The following SH3RF1 variants were observed in gnomAD, a reference collection of about 807,000 sequenced individuals.
SH3RF1 encodes the protein SH3 domain containing ring finger 1.
SH3RF1 carries 32 observed loss-of-function variants against 74.0 expected under a neutral mutation model. The observed-to-expected ratio is 0.43, with a 90% confidence interval of 0.33 to 0.58. The LOEUF (loss-of-function observed/expected upper bound fraction) is 0.58. Among genes scored for constraint, SH3RF1 ranks in the 20% least tolerant of loss-of-function variants. The probability of loss-of-function intolerance (pLI) is 0.05; values close to 1 mark genes in which losing one functional copy is unlikely to be tolerated. For missense variants in SH3RF1, 954 were observed against 1,130.9 expected (o/e 0.84, Z 2.24); for synonymous variants, 396 against 439.6 (o/e 0.90, Z 1.24).
intron 10 of SH3RF1, among the ~76,000 whole-genome samples, chr4:169,111,593 T>C (rs2126940434): frequency 6.6e-6 from 1 of 151,998 alleles, no homozygotes; most frequent in African/African-American, 2.4e-5. Flanking sequence ...CAAAACACAA[T>C]AAAACATATA....
chr4:169,130,598 GTATTTT>G (rs1733603138), intron 5 of SH3RF1, among the ~76,000 whole-genome samples: 1 of 152,054 alleles, frequency 6.6e-6, no homozygotes, highest in African/African-American at 2.4e-5. Flanking sequence ...AATTCTTCAG[GTATTTT>G]GCTATTTTCA....
chr4:169,220,816 A>C (rs1730554283), intron 2 of SH3RF1, among the ~76,000 whole-genome samples: 1 of 152,254 alleles, frequency 6.6e-6, no homozygotes, highest in Non-Finnish European at 1.5e-5. Flanking sequence ...ATCCGGAGTA[A>C]AAATCTAAAA....
At chr4:169,209,279 A>C in intron 2 of SH3RF1, among the ~76,000 whole-genome samples, 1 of 150,010 alleles carries the variant, frequency 6.7e-6, no homozygotes, top group Admixed American at 6.7e-5. Context: ...ACAGAACAAG[A>C]CCCTGTCCGA....
chr4:169,229,423 T>C (rs7686489), intron 2 of SH3RF1, among the ~76,000 whole-genome samples: 24,088 of 151,636 alleles, frequency 0.16, 2,226 homozygotes, highest in African/African-American at 0.25. Context: ...GTGTCCCAAA[T>C]TGTGTTCCTT....
chr4:169,167,584 T>G (rs1734268408), intron 2 of SH3RF1, among the ~76,000 whole-genome samples: 1 of 152,096 alleles, frequency 6.6e-6, no homozygotes, highest in Non-Finnish European at 1.5e-5. Flanking sequence ...GTTTAACTAT[T>G]TCAAAAAATG....
chr4:169,104,040 G>A (rs1001143780), intron 11 of SH3RF1, among the ~76,000 whole-genome samples: 2 of 152,142 alleles, frequency 1.3e-5, no homozygotes, highest in African/African-American at 4.8e-5. Context: ...CAGATGAACT[G>A]AACAGCAGGA....
At chr4:169,131,885 C>A (rs970311228) in intron 5 of SH3RF1, among the ~76,000 whole-genome samples, 4 of 152,208 alleles carry the variant, frequency 2.6e-5, no homozygotes, top group African/African-American at 9.6e-5. Flanking sequence ...TTCACTTTAG[C>A]CTCTGATTGG....
intron 2 of SH3RF1, among the ~76,000 whole-genome samples, chr4:169,208,664 C>T (rs555246370): frequency 2.6e-5 from 4 of 152,114 alleles, no homozygotes; most frequent in African/African-American, 9.6e-5. Flanking sequence ...TTGAATCAGG[C>T]ATCAAACATC....
intron 2 of SH3RF1, among the ~76,000 whole-genome samples, chr4:169,159,915 C>T (rs1734124497): frequency 6.6e-6 from 1 of 152,150 alleles, no homozygotes; most frequent in African/African-American, 2.4e-5. Flanking sequence ...GAGTAGAATC[C>T]ATTCATCTTC....
At chr4:169,251,162 T>C (rs560388297) in intron 2 of SH3RF1, among the ~76,000 whole-genome samples, 2 of 152,204 alleles carry the variant, frequency 1.3e-5, no homozygotes, top group Non-Finnish European at 2.9e-5. Flanking sequence ...GAGACACAAG[T>C]GGACAGAAGG....
At chr4:169,166,399 C>A (rs1398917463) in intron 2 of SH3RF1, 1 of 161,772 alleles carries the variant, frequency 6.2e-6, no homozygotes, top group African/African-American at 2.4e-5. Flanking sequence ...GGAAGCTCCA[C>A]TGTGGCCAAA....
intron 2 of SH3RF1, among the ~76,000 whole-genome samples, chr4:169,214,533 CT>C (rs768824880): frequency 1.3e-5 from 2 of 152,190 alleles, no homozygotes; most frequent in African/African-American, 2.4e-5. Flanking sequence ...AAACTGACAT[CT>C]TGACAATATT....
chr4:169,147,994 G>C (rs1260138872), intron 4 of SH3RF1, among the ~76,000 whole-genome samples: 2 of 134,020 alleles, frequency 1.5e-5, no homozygotes, highest in Non-Finnish European at 3.1e-5. Context: ...AAAATATCAT[G>C]GTTTTAATTA....
At chr4:169,161,685 G>T (rs756857213) in intron 2 of SH3RF1, among the ~76,000 whole-genome samples, 3 of 152,118 alleles carry the variant, frequency 2.0e-5, no homozygotes, top group Non-Finnish European at 4.4e-5. Flanking sequence ...AAATCTAGAA[G>T]ACACTCTTGT....
intron 2 of SH3RF1, among the ~76,000 whole-genome samples, chr4:169,179,780 ACT>A (rs1579122713): frequency 1.3e-5 from 2 of 152,212 alleles, no homozygotes; most frequent in Admixed American, 6.5e-5. Context: ...AACAAAATTT[ACT>A]TTGAATAAAT....
intron 2 of SH3RF1, among the ~76,000 whole-genome samples, chr4:169,232,597 A>G (rs1244950623): frequency 6.6e-6 from 1 of 152,218 alleles, no homozygotes; most frequent in Non-Finnish European, 1.5e-5. Flanking sequence ...GTCACATCCT[A>G]TCCCAGAGCA....
intron 2 of SH3RF1, among the ~76,000 whole-genome samples, chr4:169,244,266 CCCA>C (rs1730959050): frequency 6.6e-6 from 1 of 152,162 alleles, no homozygotes; most frequent in Non-Finnish European, 1.5e-5. Flanking sequence ...TGTGCATGCA[CCCA>C]CCACCATTTT....
At chr4:169,268,501 C>T (rs1731390115) in intron 2 of SH3RF1, among the ~76,000 whole-genome samples, 1 of 152,060 alleles carries the variant, frequency 6.6e-6, no homozygotes, top group Admixed American at 6.6e-5. Context: ...GATAAAATAC[C>T]AAATTTCCAT....
At chr4:169,122,349 A>C in intron 6 of SH3RF1, 83 bp from the exon 7 acceptor site, 10 of 1,425,114 alleles carry the variant, frequency 7.0e-6, no homozygotes, top group Non-Finnish European at 8.5e-6. Context: ...GTGGGAGAGA[A>C]AAAGAATTAT....
Sources: gnomAD v4.1 joint callset for allele counts (sites outside exome capture counted in the v4.1 genomes callset) on GRCh38, gnomAD v4.1.1 for gene constraint, MANE v1.5 for transcripts, NCBI Gene and HGNC (gene_info 2026-07-23, HGNC 2026-07-21) for gene names.